Variants in TTC12 observed in about 807,000 individuals in gnomAD.
TTC12 encodes the protein tetratricopeptide repeat protein 12.
In TTC12, 70 loss-of-function variants were observed where a neutral mutation model predicts 90.1. The ratio of observed to expected loss-of-function variants is 0.78; its 90% CI spans 0.64 to 0.95. The LOEUF (loss-of-function observed/expected upper bound fraction) is 0.95. TTC12 is among the 40% of genes least tolerant of loss of function. The probability of loss-of-function intolerance (pLI) is 0.00; values close to 1 mark genes in which losing one functional copy is unlikely to be tolerated. For missense variants in TTC12, 819 were observed against 846.1 expected, an observed-to-expected ratio of 0.97 and a Z score of 0.40; for synonymous variants, 296 against 311.5, an observed-to-expected ratio of 0.95 and a Z score of 0.53.
intron 7 of TTC12, among the ~76,000 whole-genome samples, chr11:113,334,752 C>T (rs1305248626): frequency 6.6e-6 from 1 of 152,024 alleles, no homozygotes; most frequent in Admixed American, 6.6e-5. Flanking sequence ...TGGCAGGTAT[C>T]ATTAATTAAT....
intron 16 of TTC12, among the ~76,000 whole-genome samples, chr11:113,352,484 G>A (rs1244962922): frequency 6.6e-6 from 1 of 151,558 alleles, no homozygotes; most frequent in Non-Finnish European, 1.5e-5. Flanking sequence ...TAAATTCAGG[G>A]GTACATGTCT....
chr11:113,352,325 G>C (rs1555150709), intron 16 of TTC12, 118 bp downstream of exon 16: 2 of 1,318,418 alleles, frequency 1.5e-6, no homozygotes, highest in Non-Finnish European at 1.1e-6. Context: ...GGCGCCAGTT[G>C]GCTTATCCCT....
At chr11:113,341,001 G>A (rs953543403) in intron 11 of TTC12, among the ~76,000 whole-genome samples, 5 of 152,128 alleles carry the variant, frequency 3.3e-5, no homozygotes, top group African/African-American at 9.7e-5. Context: ...AGGTCAAGGC[G>A]GGCGGATCAC....
chr11:113,323,277 T>G lies in TTC12; in HGVS notation c.59-11T>G. On this transcript the variant is annotated splice_polypyrimidine_tract_variant and intron_variant, in intron 2 of 21. Transcript: ENST00000529221. ...CTTGTTTGATTAAGTCACACCTGAT[T>G]TCTTCTCTAGCCAATTTAATTCAGG... 6.3e-7 allele frequency: 1 copy of G among 1,587,982 alleles called. No individual in the cohort carries two copies. The highest frequency in any genetic ancestry group is 1.7e-4 in the Middle Eastern group (1 of 5,922).
At chr11:113,338,887 C>A in intron 9 of TTC12, 53 bp downstream of exon 9, 2 of 1,538,608 alleles carry the variant, frequency 1.3e-6, no homozygotes, top group Admixed American at 1.7e-5. Context: ...CCCTCTGCCC[C>A]CTGCCTTAGA....
rs558951466 is a variant in TTC12, at chr11:113,331,129, A to G, written c.504+1150A>G. Among the ~76,000 whole-genome samples, 8 of 152,340 alleles carry G rather than the reference A, an allele frequency of 5.3e-5. No individual in the cohort carries two copies. In the South Asian group the frequency reaches 1.5e-3, roughly 28 times the overall value. On this transcript the variant is annotated intron_variant, in intron 7 of 21. Transcript: ENST00000529221. Reference sequence around the variant, plus strand: ...ATCCTCTAACACTGACATCTGGAGTATCCAATTTCTTTATCCCTTAGAAGA... The same window carrying G: ...ATCCTCTAACACTGACATCTGGAGTGTCCAATTTCTTTATCCCTTAGAAGA...
rs868940948 is a variant in TTC12 at position 113,349,484 on chromosome 11, T to C, written c.1155-589T>C. On this transcript the variant is annotated intron_variant, in intron 13 of 21. Coordinates refer to ENST00000529221, the MANE Select transcript of TTC12 (RefSeq NM_017868.4). The stretch of plus-strand genomic sequence containing the variant: ...TTTTTGGCATCTGTGTTAGACTGTT[T>C]GCTCATTTTGTGTTTGTAAGTGGCT... 2.0e-5 allele frequency among the ~76,000 whole-genome samples: 3 copies of C among 152,328 alleles called. No homozygotes were observed. In the East Asian group the frequency reaches 5.8e-4, roughly 29 times the overall value.
intron 16 of TTC12, among the ~76,000 whole-genome samples, chr11:113,358,744 A>G (rs1332426832): frequency 1.3e-5 from 2 of 151,994 alleles, no homozygotes; most frequent in Non-Finnish European, 2.9e-5. Flanking sequence ...CTCCCTGACA[A>G]CTCGATGAGT....
At chr11:113,368,565 C>T, downstream of TTC12, 1 of 1,403,834 alleles carries the variant, frequency 7.1e-7, no homozygotes, top group Non-Finnish European at 9.9e-7. Flanking sequence ...GAAGCCACAG[C>T]AGAGGTGGCA....
rs112670724 is a variant in TTC12 at position 113,352,412 on chromosome 11, T to A, written c.1446+205T>A. ...AAGTCTCATTTGCCCTGGGGAGATT[T>A]GAAGGATTTTTTTTAATTTTTAAAA... On this transcript the variant is annotated intron_variant, in intron 16 of 21. Transcript: ENST00000529221. Among the ~76,000 whole-genome samples, 3,284 of 152,152 alleles carry A rather than the reference T, an allele frequency of 0.022. 115 individuals carry two copies. The highest frequency in any genetic ancestry group is 0.072 in the African/African-American group (2,972 of 41,512).
At chr11:113,332,662 C>CA (rs1948131953) in intron 7 of TTC12, among the ~76,000 whole-genome samples, 1 of 152,206 alleles carries the variant, frequency 6.6e-6, no homozygotes, top group Non-Finnish European at 1.5e-5. Context: ...CTCATCTCTG[C>CA]AAAAGGCTCT....
rs782407631 is a variant in TTC12, at chr11:113,334,899, A to T, written c.505-67A>T. On this transcript the variant is annotated intron_variant, in intron 7 of 21. Coordinates refer to ENST00000529221, the MANE Select transcript of TTC12 (RefSeq NM_017868.4). ...TTCGCCTTAACTCTTTTAGCTGTAT[A>T]GTGAGGGGAGTGGCTAATGACTTCA... The T allele has an allele frequency of 1.1e-5, 14 of 1,284,400 alleles. No homozygotes were observed. The East Asian group carries it at 3.0e-4, about 28-fold the overall frequency. 79.6% of individuals were successfully genotyped at this position (1,284,400 alleles called of 1,614,324 possible).
intron 13 of TTC12, 136 bp downstream of exon 13, chr11:113,344,576 C>A: frequency 1.1e-6 from 1 of 938,524 alleles, no homozygotes; most frequent in Non-Finnish European, 1.6e-6. Context: ...GACAAGAGTG[C>A]TCTGTCATGA....
At chr11:113,367,787 C>T (rs61904030), downstream of TTC12, among the ~76,000 whole-genome samples, 4 of 152,192 alleles carry the variant, frequency 2.6e-5, no homozygotes, top group Admixed American at 6.5e-5. Flanking sequence ...CTGCGCATGG[C>T]TGGAGGGAGC....
chr11:113,325,745 T>C, intron 6 of TTC12, 100 bp downstream of exon 6: 1 of 1,492,252 alleles, frequency 6.7e-7, no homozygotes. Context: ...CTGGGAAATG[T>C]TTATAAGAAC....
intron 16 of TTC12, among the ~76,000 whole-genome samples, chr11:113,357,186 T>G (rs1280712061): frequency 1.3e-5 from 2 of 152,232 alleles, no homozygotes; most frequent in African/African-American, 4.8e-5. Context: ...GTGTTCAAGC[T>G]CTGAGATTAT....
At chr11:113,345,101 T>A (rs1440715020) in intron 13 of TTC12, among the ~76,000 whole-genome samples, 1 of 152,238 alleles carries the variant, frequency 6.6e-6, no homozygotes. Context: ...TTTCAGTTTA[T>A]TTATCTTTAC....
chr11:113,325,609 G>A lies in TTC12; in HGVS notation c.408G>A (p.Leu136=), dbSNP rs781893422. The change falls in exon 6 of 22, where the codon CTG becomes CTA. Residue 136 remains leucine, a synonymous_variant. Coordinates refer to ENST00000529221, the MANE Select transcript of TTC12 (RefSeq NM_017868.4). Reference sequence around the variant, plus strand: ...GCTACAGTGAGGGTTTGGAGAAGCTGAAGGACATGAAAGTGCTGTACACCA... The same window carrying A: ...GCTACAGTGAGGGTTTGGAGAAGCTAAAGGACATGAAAGTGCTGTACACCA... ...ILRYSEGLEK[L]KDMKVLYTNR... 2.5e-6 allele frequency: 4 copies of A among 1,613,880 alleles called. No homozygotes were observed. In the Admixed American group the frequency reaches 6.7e-5, roughly 27 times the overall value.
intron 1 of TTC12, 46 bp downstream of exon 1, chr11:113,314,664 T>C (rs1373262385): frequency 1.3e-5 from 2 of 153,090 alleles, no homozygotes; most frequent in Non-Finnish European, 2.9e-5. Context: ...GAGCTGGTCC[T>C]GCACTGGCCT....
Sources: gnomAD v4.1 joint callset for allele counts (sites outside exome capture counted in the v4.1 genomes callset) on GRCh38, gnomAD v4.1.1 for gene constraint, MANE v1.5 for transcripts, NCBI Gene and HGNC (gene_info 2026-07-23, HGNC 2026-07-21) for gene names.